Variants in RLF observed in about 807,000 individuals in gnomAD.
RLF encodes zinc finger protein Rlf.
A neutral mutation model predicts 162.9 loss-of-function variants in RLF; 7 were observed. The observed-to-expected ratio is 0.04, with a 90% confidence interval of 0.02 to 0.08. The LOEUF (loss-of-function observed/expected upper bound fraction) is 0.08, where lower values mean the gene tolerates loss of function less well. Ranked by LOEUF, RLF falls within the 10% of genes least tolerant of loss-of-function variation. The pLI, the probability that RLF is intolerant of heterozygous loss-of-function variation, is 1.00. For synonymous variants in RLF, 782 were observed against 791.5 expected, an observed-to-expected ratio of 0.99 and a Z score of 0.20; for missense variants, 1,664 against 2,244.7, an observed-to-expected ratio of 0.74 and a Z score of 5.23.
At chr1:40,210,575 T>C in intron 5 of RLF, among the ~76,000 whole-genome samples, 1 of 152,168 alleles carries the variant, frequency 6.6e-6, no homozygotes, top group Non-Finnish European at 1.5e-5. Flanking sequence ...TTTGATGCAG[T>C]AGAAATTAAG....
At chr1:40,190,719 C>A in intron 2 of RLF, 53 bp from the exon 3 acceptor site, 1 of 1,137,114 alleles carries the variant, frequency 8.8e-7, no homozygotes, top group South Asian at 1.3e-5. Flanking sequence ...CTGTCATACT[C>A]TACTTAATTA....
At chr1:40,198,848 CAT>C (rs1350665810) in intron 4 of RLF, among the ~76,000 whole-genome samples, 2 of 152,042 alleles carry the variant, frequency 1.3e-5, no homozygotes, top group African/African-American at 4.8e-5. Context: ...GGGAGTGAGA[CAT>C]ATTGTTTTAA....
intron 5 of RLF, among the ~76,000 whole-genome samples, chr1:40,211,194 A>G (rs1230562176): frequency 6.6e-6 from 1 of 152,230 alleles, no homozygotes; most frequent in Non-Finnish European, 1.5e-5. Flanking sequence ...GCTCTACAAG[A>G]ATTAAATTTT....
At chr1:40,216,414 G>C (rs1353808050) in intron 5 of RLF, among the ~76,000 whole-genome samples, 6 of 151,952 alleles carry the variant, frequency 3.9e-5, no homozygotes, top group Admixed American at 3.9e-4. Context: ...CTTGAACCCG[G>C]GAGGCAGAGG....
intron 1 of RLF, among the ~76,000 whole-genome samples, chr1:40,178,632 G>GTTTTTTTTTTTTTTT (rs57391266): frequency 3.8e-4 from 34 of 88,386 alleles, no homozygotes; most frequent in South Asian, 8.6e-4. Context: ...TTTTTTTTTT[G>GTTTTTTTTTTTTTTT]TTTTTTTTTT....
intron 1 of RLF, among the ~76,000 whole-genome samples, chr1:40,185,842 GCAAA>G (rs1642471667): frequency 2.1e-4 from 2 of 9,430 alleles, no homozygotes; most frequent in Non-Finnish European, 2.0e-4. Flanking sequence ...AAAAAAAAAA[GCAAA>G]AAAAAAAAAA....
chr1:40,164,111 A>G (rs1171156468), intron 1 of RLF, among the ~76,000 whole-genome samples: 1 of 152,222 alleles, frequency 6.6e-6, no homozygotes, highest in Non-Finnish European at 1.5e-5. Flanking sequence ...CTCGGACTCT[A>G]GGAGAGGAGC....
At chr1:40,191,373 A>T (rs1382122676) in intron 3 of RLF, among the ~76,000 whole-genome samples, 1 of 152,134 alleles carries the variant, frequency 6.6e-6, no homozygotes, top group Non-Finnish European at 1.5e-5. Context: ...CCCTGTCTCT[A>T]CTAAAAATAC....
At chr1:40,205,098 C>T (rs1329610054) in intron 5 of RLF, among the ~76,000 whole-genome samples, 2 of 152,198 alleles carry the variant, frequency 1.3e-5, no homozygotes. Flanking sequence ...ATCGATTTCC[C>T]TGTCTCTGTT....
intron 4 of RLF, among the ~76,000 whole-genome samples, chr1:40,197,442 G>T (rs1570536780): frequency 1.3e-5 from 2 of 152,144 alleles, no homozygotes; most frequent in African/African-American, 4.8e-5. Context: ...TCTTGACTGG[G>T]GCAGAGGAGA....
chr1:40,238,008 C>G lies in RLF; in HGVS notation c.3306C>G (p.Ile1102Met). Residue 1102 changes from isoleucine (I) to methionine (M), a missense_variant, in exon 8 of 8, where the codon ATC (isoleucine) becomes ATG (methionine). By Grantham distance (10) the Ile-to-Met change is conservative. Transcript: ENST00000372771. This position sits in a 1 kb window ranked among gnomAD's most constrained non-coding sequence, Gnocchi z 5.2. ...AGTCTCTTCAGTCAGTTTCATCTAT[C>G]TCAGACCTTAATTTTCAGAATCAAG... Reference protein sequence around the residue: ...GAKSLQSVSSISDLNFQNQDE... With the variant: ...GAKSLQSVSSMSDLNFQNQDE... The G allele has an allele frequency of 6.2e-7, 1 of 1,614,142 alleles. No individual in the cohort carries two copies. The highest frequency in any genetic ancestry group is 1.6e-4 in the Middle Eastern group (1 of 6,062).
At chr1:40,210,532 G>C (rs772674125) in intron 5 of RLF, among the ~76,000 whole-genome samples, 2 of 152,196 alleles carry the variant, frequency 1.3e-5, no homozygotes, top group Non-Finnish European at 2.9e-5. Flanking sequence ...TGGAAAAGAA[G>C]GGCTTGGAAA....
chr1:40,169,617 C>T (rs1273976969), intron 1 of RLF, among the ~76,000 whole-genome samples: 3 of 111,200 alleles, frequency 2.7e-5, no homozygotes, highest in East Asian at 2.4e-4. Flanking sequence ...AGCGAGACTC[C>T]GTCTCAAAAA....
chr1:40,221,917 A>AAAAAAAAAAAGAG (rs1486982312), intron 5 of RLF, among the ~76,000 whole-genome samples: 3 of 150,282 alleles, frequency 2.0e-5, no homozygotes, highest in African/African-American at 7.4e-5. Context: ...AAAAAAAAAA[A>AAAAAAAAAAAGAG]AGAGAAAGGA....
intron 1 of RLF, among the ~76,000 whole-genome samples, chr1:40,182,753 G>GTAGGTAGATAGATAGATAGA (rs144667492): frequency 7.2e-4 from 107 of 148,874 alleles, no homozygotes; most frequent in Middle Eastern, 6.8e-3. Context: ...AGATAGATAG[G>GTAGGTAGATAGATAGATAGA]TAGATAGATA....
intron 5 of RLF, among the ~76,000 whole-genome samples, chr1:40,209,686 G>A (rs947230484): frequency 6.6e-6 from 1 of 152,084 alleles, no homozygotes; most frequent in African/African-American, 2.4e-5. Flanking sequence ...GACCAGCCTG[G>A]CTAACATGGT....
chr1:40,162,599 T>A lies in RLF; in HGVS notation c.237+963T>A, dbSNP rs1481583208. ...CTAATAAGTAGTCCAGTATGCTGAA[T>A]AAATTGCGGCGTTCTAAAATAATAA... On this transcript the variant is annotated intron_variant, in intron 1 of 7. Transcript: ENST00000372771. 2.0e-5 allele frequency among the ~76,000 whole-genome samples: 3 copies of A among 152,226 alleles called. No homozygotes were observed. In the East Asian group the frequency reaches 5.8e-4, roughly 29 times the overall value.
intron 4 of RLF, among the ~76,000 whole-genome samples, chr1:40,197,681 A>C (rs1401727531): frequency 6.6e-6 from 1 of 152,220 alleles, no homozygotes; most frequent in African/African-American, 2.4e-5. Context: ...TTAATTAAGC[A>C]CTCACTATCT....
rs1642091140 is a variant in RLF at position 40,161,866 on chromosome 1, G to A, written c.237+230G>A. Among the ~76,000 whole-genome samples the A allele has an allele frequency of 6.6e-6, 1 of 152,162 alleles. No homozygotes were observed. Among genetic ancestry groups the A allele is most frequent in the Admixed American group, 6.5e-5 (1 of 15,282 alleles). ...TTGCTCTGAGCCTTACTGAGATCCC[G>A]GAGGGCCCTGGCGGGTCCCTGGAAG... On this transcript the variant is annotated intron_variant, in intron 1 of 7. Transcript: ENST00000372771. This position sits in a 1 kb window ranked among gnomAD's most constrained non-coding sequence, Gnocchi z 4.4.
Sources: gnomAD v4.1 joint callset for allele counts (sites outside exome capture counted in the v4.1 genomes callset) on GRCh38, gnomAD v4.1.1 for gene constraint, Gnocchi (gnomAD v3.1) non-coding constraint, MANE v1.5 for transcripts, NCBI Gene and HGNC (gene_info 2026-07-23, HGNC 2026-07-21) for gene names.